The following CDK8 variants were observed in gnomAD, a reference collection of about 807,000 sequenced individuals.
CDK8 encodes cyclin-dependent kinase 8.
A neutral mutation model predicts 71.5 loss-of-function variants in CDK8; 29 were observed. That is an observed-to-expected ratio of 0.41 (90% CI 0.30 to 0.55). The LOEUF (loss-of-function observed/expected upper bound fraction) is 0.55. Ranked by LOEUF, CDK8 falls within the 20% of genes least tolerant of loss-of-function variation. The pLI is 0.37. For missense variants in CDK8, 288 were observed against 572.6 expected (o/e 0.50, Z 5.07); for synonymous variants, 161 against 192.1 (o/e 0.84, Z 1.34).
chr13:26,287,923 T>A (rs1431566091), intron 1 of CDK8, among the ~76,000 whole-genome samples: 2 of 152,302 alleles, frequency 1.3e-5, no homozygotes, highest in African/African-American at 2.4e-5. Flanking sequence ...CCTGTAGTGT[T>A]GTCTTTTAAT....
chr13:26,387,300 C>A (rs1267636291), intron 6 of CDK8, among the ~76,000 whole-genome samples: 19 of 152,164 alleles, frequency 1.2e-4, no homozygotes, highest in Admixed American at 1.2e-3. Flanking sequence ...TCTCTCCCTT[C>A]CATGTAGCAA....
chr13:26,386,403 T>A (rs1236981855), intron 6 of CDK8, among the ~76,000 whole-genome samples: 5 of 152,220 alleles, frequency 3.3e-5, no homozygotes, highest in Non-Finnish European at 7.3e-5. Context: ...TTTGTGTCTT[T>A]ATGGTTTCCT....
intron 1 of CDK8, among the ~76,000 whole-genome samples, chr13:26,255,442 C>CA (rs1221236776): frequency 6.6e-6 from 1 of 152,290 alleles, no homozygotes; most frequent in East Asian, 1.9e-4. Context: ...CGGTTTCCCC[C>CA]AAATTTAGCG....
At chr13:26,351,310 ACT>A (rs1429021866) in intron 3 of CDK8, among the ~76,000 whole-genome samples, 11 of 150,864 alleles carry the variant, frequency 7.3e-5, no homozygotes, top group African/African-American at 2.7e-4. Context: ...CTTTTATGAA[ACT>A]CTTTCCAAAG....
At chr13:26,316,402 G>A (rs543524118) in intron 1 of CDK8, among the ~76,000 whole-genome samples, 4 of 152,030 alleles carry the variant, frequency 2.6e-5, no homozygotes, top group African/African-American at 7.3e-5. Context: ...CAAGGAGATG[G>A]GTAGTTATCA....
intron 1 of CDK8, among the ~76,000 whole-genome samples, chr13:26,289,336 A>G (rs1323131848): frequency 2.0e-5 from 3 of 152,116 alleles, no homozygotes; most frequent in African/African-American, 7.2e-5. Context: ...TACAGGCATG[A>G]GCCACTGCGC....
chr13:26,260,586 G>C (rs1304869685), intron 1 of CDK8, among the ~76,000 whole-genome samples: 2 of 152,136 alleles, frequency 1.3e-5, no homozygotes, highest in African/African-American at 4.8e-5. Flanking sequence ...TTGCTACTTA[G>C]AGTTTAGGAA....
At chr13:26,353,063 C>A (rs905645279) in intron 3 of CDK8, among the ~76,000 whole-genome samples, 1 of 152,096 alleles carries the variant, frequency 6.6e-6, no homozygotes, top group Non-Finnish European at 1.5e-5. Context: ...AAAATGAGTC[C>A]TATCAAGAGC....
At chr13:26,367,499 C>T (rs998220503) in intron 4 of CDK8, among the ~76,000 whole-genome samples, 1 of 152,114 alleles carries the variant, frequency 6.6e-6, no homozygotes, top group Non-Finnish European at 1.5e-5. Context: ...CCATGGGAAG[C>T]ATTAACCTGT....
At chr13:26,341,521 T>C (rs1284924891) in intron 2 of CDK8, among the ~76,000 whole-genome samples, 3 of 152,152 alleles carry the variant, frequency 2.0e-5, no homozygotes. Flanking sequence ...GTTTTCCTTA[T>C]TTTTTTACAG....
intron 4 of CDK8, among the ~76,000 whole-genome samples, chr13:26,362,613 A>G (rs1874199758): frequency 1.3e-5 from 2 of 152,180 alleles, no homozygotes; most frequent in Admixed American, 6.5e-5. Flanking sequence ...GCCCTCACCT[A>G]ATAAGATGGT....
At chr13:26,336,330 T>C (rs962969150) in intron 1 of CDK8, among the ~76,000 whole-genome samples, 14 of 152,210 alleles carry the variant, frequency 9.2e-5, no homozygotes, top group Admixed American at 3.3e-4. Context: ...TGATCCAACA[T>C]GTGATGATGC....
chr13:26,353,637 A>C (rs887445391), intron 3 of CDK8, 103 bp from the exon 4 acceptor site: 3 of 884,438 alleles, frequency 3.4e-6, no homozygotes, highest in Non-Finnish European at 5.1e-6. Flanking sequence ...TTCAATATCT[A>C]TGGGAATCCC....
intron 1 of CDK8, among the ~76,000 whole-genome samples, chr13:26,303,888 T>C (rs1179855608): frequency 2.6e-5 from 4 of 152,196 alleles, no homozygotes; most frequent in African/African-American, 9.7e-5. Flanking sequence ...TTGTCTGTTA[T>C]TAACCCAGCT....
Position 26,339,221 on chromosome 13 carries a change from A to C in CDK8, c.204+1579A>C, listed in dbSNP as rs190966439. 5.3e-5 allele frequency among the ~76,000 whole-genome samples: 8 copies of C among 152,040 alleles called. No homozygotes were observed. In the East Asian group the frequency reaches 1.5e-3, roughly 29 times the overall value. The stretch of plus-strand genomic sequence containing the variant: ...CCACTGATTGTGAAAATATTTCCCA[A>C]TATTTTCTTCTAAATGCTTTATAAT... On this transcript the variant is annotated intron_variant, in intron 2 of 12. Coordinates refer to ENST00000381527, the MANE Select transcript of CDK8 (RefSeq NM_001260.3).
At chr13:26,304,079 G>A (rs1207576659) in intron 1 of CDK8, among the ~76,000 whole-genome samples, 1 of 151,776 alleles carries the variant, frequency 6.6e-6, no homozygotes, top group Non-Finnish European at 1.5e-5. Flanking sequence ...GCCTGGCCAC[G>A]ATGGTGAAAC....
At chr13:26,259,192 A>G (rs1871659932) in intron 1 of CDK8, among the ~76,000 whole-genome samples, 2 of 152,192 alleles carry the variant, frequency 1.3e-5, no homozygotes, top group African/African-American at 4.8e-5. Context: ...AATAAAGAGT[A>G]TTCCTTATAA....
At chr13:26,378,647 C>A (rs1209353986) in intron 4 of CDK8, among the ~76,000 whole-genome samples, 1 of 152,142 alleles carries the variant, frequency 6.6e-6, no homozygotes, top group East Asian at 1.9e-4. Context: ...TCCATGGCAA[C>A]AAATACAGTT....
chr13:26,340,922 T>TCCC (rs775287551), intron 2 of CDK8, among the ~76,000 whole-genome samples: 3 of 152,198 alleles, frequency 2.0e-5, no homozygotes, highest in Non-Finnish European at 4.4e-5. Flanking sequence ...TTGCATATCT[T>TCCC]CATCTTCATT....
Sources: allele counts gnomAD v4.1 joint callset (sites outside exome capture counted in the v4.1 genomes callset), GRCh38; gene constraint gnomAD v4.1.1; transcripts MANE v1.5; gene names NCBI Gene and HGNC (gene_info 2026-07-23, HGNC 2026-07-21).